The following ADK variants were observed in gnomAD, a reference collection of about 807,000 sequenced individuals.
The protein encoded by ADK is adenosine kinase, also known as N6,N6-dimethyladenosine kinase.
Under a neutral mutation model 44.7 loss-of-function variants are expected in ADK, and 24 were observed. The observed-to-expected ratio is 0.54, with a 90% CI of 0.39 to 0.76. The LOEUF (loss-of-function observed/expected upper bound fraction) is 0.76. Ranked by LOEUF, ADK falls within the 30% of genes least tolerant of loss-of-function variation. The pLI, the probability that ADK is intolerant of heterozygous loss-of-function variation, is 0.00. For synonymous variants in ADK, 128 were observed against 142.6 expected (o/e 0.90, Z 0.73); for missense variants, 321 against 425.1 (o/e 0.76, Z 2.15).
intron 10 of ADK, among the ~76,000 whole-genome samples, chr10:74,701,249 T>C (rs74846337): frequency 2.0e-4 from 31 of 152,352 alleles, no homozygotes; most frequent in African/African-American, 7.5e-4. Context: ...TTGGAAGTAC[T>C]GGTGTCAGCT....
intron 7 of ADK, among the ~76,000 whole-genome samples, chr10:74,564,983 A>G (rs1455661735): frequency 6.6e-6 from 1 of 152,150 alleles, no homozygotes. Flanking sequence ...CAAGGCTTCA[A>G]TAGCTTTCTG....
At chr10:74,550,792 T>G (rs951585114) in intron 7 of ADK, among the ~76,000 whole-genome samples, 2 of 152,234 alleles carry the variant, frequency 1.3e-5, no homozygotes, top group African/African-American at 4.8e-5. Context: ...TCATTTTACT[T>G]ATTAATATTC....
At chr10:74,705,353 T>C (rs1268837677) in intron 10 of ADK, among the ~76,000 whole-genome samples, 1 of 152,254 alleles carries the variant, frequency 6.6e-6, no homozygotes, top group African/African-American at 2.4e-5. Flanking sequence ...TCTTGACCTG[T>C]CTTATTTGCA....
At position 74,599,560 on chromosome 10, in the gene ADK, A is replaced by G. The variant is rs1852045498; in HGVS notation, c.763-819A>G. On this transcript the variant is annotated intron_variant, in intron 8 of 10. Transcript: ENST00000539909. ...AGTTTTGTTAGCAAAGCCCAAAACT[A>G]TGGACAGTTTTAAAAGCCCACTGAA... Among the ~76,000 whole-genome samples, 8 of 152,236 alleles carry G rather than the reference A, an allele frequency of 5.3e-5. 1 individual carries two copies. The highest frequency in any genetic ancestry group is 4.6e-4 in the Admixed American group (7 of 15,284).
At chr10:74,361,489 GA>G (rs1195808872) in intron 4 of ADK, among the ~76,000 whole-genome samples, 1 of 151,470 alleles carries the variant, frequency 6.6e-6, no homozygotes, top group Non-Finnish European at 1.5e-5. Context: ...ACTTTGATTG[GA>G]AAAAAAACAC....
chr10:74,271,897 A>C (rs1045533328), intron 3 of ADK, among the ~76,000 whole-genome samples: 9 of 152,108 alleles, frequency 5.9e-5, no homozygotes, highest in African/African-American at 2.2e-4. Flanking sequence ...TTCCATTGAT[A>C]TGTCAAGCAA....
intron 1 of ADK, among the ~76,000 whole-genome samples, chr10:74,186,846 G>T (rs1392677402): frequency 6.6e-6 from 1 of 152,116 alleles, no homozygotes; most frequent in African/African-American, 2.4e-5. Context: ...TATGTATGTA[G>T]CAACAAGTCT....
At chr10:74,459,232 G>A (rs1846068174) in intron 6 of ADK, among the ~76,000 whole-genome samples, 1 of 150,284 alleles carries the variant, frequency 6.7e-6, no homozygotes, top group African/African-American at 2.5e-5. Context: ...AGTGAGCTGA[G>A]ATCACACCAT....
At chr10:74,563,306 C>G (rs1287973213) in intron 7 of ADK, among the ~76,000 whole-genome samples, 1 of 152,200 alleles carries the variant, frequency 6.6e-6, no homozygotes, top group Non-Finnish European at 1.5e-5. Context: ...TCTGCCTTGA[C>G]CTATTTTTAC....
At chr10:74,256,718 A>G (rs912519309) in intron 3 of ADK, among the ~76,000 whole-genome samples, 4 of 152,288 alleles carry the variant, frequency 2.6e-5, no homozygotes, top group Non-Finnish European at 5.9e-5. Context: ...CAAATGACTT[A>G]TGATGAACAG....
At chr10:74,514,916 G>A (rs756429339) in intron 6 of ADK, among the ~76,000 whole-genome samples, 3 of 151,630 alleles carry the variant, frequency 2.0e-5, no homozygotes, top group East Asian at 1.9e-4. Context: ...CCTCTACCTC[G>A]TATGCTCGAG....
chr10:74,208,048 C>G (rs770559492), intron 2 of ADK, among the ~76,000 whole-genome samples: 2 of 152,344 alleles, frequency 1.3e-5, no homozygotes, highest in South Asian at 4.1e-4. Context: ...CGAGCACATG[C>G]ACACCTGCTG....
At chr10:74,431,882 T>C (rs546847915) in intron 6 of ADK, among the ~76,000 whole-genome samples, 21 of 152,110 alleles carry the variant, frequency 1.4e-4, no homozygotes, top group Non-Finnish European at 2.4e-4. Flanking sequence ...GACAAAAGGC[T>C]TTCTGAGCTC....
chr10:74,447,941 A>AG (rs1473596333), intron 6 of ADK, among the ~76,000 whole-genome samples: 3 of 152,218 alleles, frequency 2.0e-5, no homozygotes, highest in Non-Finnish European at 4.4e-5. Context: ...TGGGAGGCTG[A>AG]GGGGGGTGGA....
Position 74,359,156 on chromosome 10 carries a change from A to G in ADK, c.274-34985A>G, listed in dbSNP as rs371114420. Among the ~76,000 whole-genome samples, 34 of 152,240 alleles carry G rather than the reference A, an allele frequency of 2.2e-4. 1 individual carries two copies. In the East Asian group the frequency reaches 2.5e-3, roughly 11 times the overall value. ...TGAGGATCTAGTTTGATTCTTCTCC[A>G]TATGGATATCTTTGGTCTATATATT... On this transcript the variant is annotated intron_variant, in intron 4 of 10. Transcript: ENST00000539909.
intron 6 of ADK, among the ~76,000 whole-genome samples, chr10:74,410,382 G>A (rs1287702901): frequency 1.3e-5 from 2 of 152,100 alleles, no homozygotes; most frequent in Non-Finnish European, 2.9e-5. Flanking sequence ...AAAAAGGTAA[G>A]TATTATTTAG....
intron 1 of ADK, among the ~76,000 whole-genome samples, chr10:74,186,185 C>G (rs1375007191): frequency 7.3e-6 from 1 of 137,770 alleles, no homozygotes; most frequent in Non-Finnish European, 1.6e-5. Flanking sequence ...AATCAGCCTT[C>G]CCTTTCCTTC....
chr10:74,296,951 G>T (rs1270242461), intron 3 of ADK, among the ~76,000 whole-genome samples: 4 of 152,006 alleles, frequency 2.6e-5, no homozygotes, highest in African/African-American at 7.2e-5. Flanking sequence ...TGTGTATAAA[G>T]ATGTTTATTT....
chr10:74,681,835 G>A (rs112473044), intron 10 of ADK, among the ~76,000 whole-genome samples: 40 of 140,530 alleles, frequency 2.8e-4, no homozygotes, highest in African/African-American at 1.0e-3. Flanking sequence ...GGGCGACAGA[G>A]TGAGACTCCA....
Sources: gnomAD v4.1 joint callset for allele counts (sites outside exome capture counted in the v4.1 genomes callset) on GRCh38, gnomAD v4.1.1 for gene constraint, MANE v1.5 for transcripts, NCBI Gene and HGNC (gene_info 2026-07-23, HGNC 2026-07-21) for gene names.